Variants in CLCN5 observed in about 807,000 individuals in gnomAD.
CLCN5 encodes the protein Cl-/H+ antiporter 5, also known as H(+)/Cl(-) exchange transporter 5.
CLCN5 carries 17 observed loss-of-function variants against 54.0 expected under a neutral mutation model. That is an observed-to-expected ratio of 0.31 (90% CI 0.22 to 0.47). CLCN5 has a LOEUF of 0.47. Ranked by LOEUF, CLCN5 falls within the 20% of genes least tolerant of loss-of-function variation. CLCN5 has a pLI of 1.00. For synonymous variants in CLCN5, 222 were observed against 233.0 expected, an observed-to-expected ratio of 0.95 and a Z score of 0.43; for missense variants, 448 against 646.7, an observed-to-expected ratio of 0.69 and a Z score of 3.33.
chrX:49,944,202 G>C (rs1490441221), intron 3 of CLCN5, among the ~76,000 whole-genome samples: 2 of 111,603 alleles, frequency 1.8e-5, no homozygotes, highest in African/African-American at 6.5e-5. Flanking sequence ...TTGGCTCTCT[G>C]TTGGTCTGTT....
intron 3 of CLCN5, among the ~76,000 whole-genome samples, chrX:49,938,559 A>AT (rs1459466484): frequency 1.8e-5 from 2 of 111,930 alleles, no homozygotes; most frequent in Admixed American, 9.5e-5. Context: ...TAGTTAATAA[A>AT]TGGTGCTGGG....
intron 3 of CLCN5, among the ~76,000 whole-genome samples, chrX:50,040,565 A>G (rs1402455555): frequency 8.9e-6 from 1 of 112,137 alleles, no homozygotes; most frequent in Non-Finnish European, 1.9e-5. Flanking sequence ...TTGACATATA[A>G]TTGTACATAT....
intron 3 of CLCN5, among the ~76,000 whole-genome samples, chrX:49,996,237 G>A (rs1929516820): frequency 8.9e-6 from 1 of 112,083 alleles, no homozygotes; most frequent in South Asian, 3.8e-4. Flanking sequence ...CACATAGGAT[G>A]AATTACCAGT....
rs1487561257 is a variant in CLCN5, at chrX:50,063,115, A to G, written c.164-6764A>G. Among the ~76,000 whole-genome samples, 786 of 104,487 alleles carry G rather than the reference A, an allele frequency of 7.5e-3. 10 individuals carry two copies. Among genetic ancestry groups the G allele is most frequent in the African/African-American group, 0.027 (739 of 27,523 alleles). The allele number at this position is 104,487 out of a possible 115,157, so 90.7% of individuals were successfully genotyped here. On this transcript the variant is annotated intron_variant, in intron 4 of 14. Coordinates refer to ENST00000376091, the MANE Select transcript of CLCN5 (RefSeq NM_001127898.4). ...TTAAAAGAACTAGAAAAGCAAGAGC[A>G]AACACATTCAAAAGCTAGCAGAAGG...
intron 3 of CLCN5, among the ~76,000 whole-genome samples, chrX:49,966,399 A>G (rs1557175444): frequency 9.2e-6 from 1 of 109,064 alleles, no homozygotes; most frequent in African/African-American, 3.3e-5. Flanking sequence ...GAATCTGTAG[A>G]GATGTCCCCT....
chrX:49,978,983 T>C (rs1295599810), intron 3 of CLCN5, among the ~76,000 whole-genome samples: 1 of 111,199 alleles, frequency 9.0e-6, no homozygotes. Flanking sequence ...GTGGGGACAG[T>C]TGAAGCACAA....
intron 12 of CLCN5, among the ~76,000 whole-genome samples, chrX:50,089,100 C>CTT (rs1328771662): frequency 1.1e-5 from 1 of 92,510 alleles, no homozygotes; most frequent in African/African-American, 8.0e-5. Flanking sequence ...AGGAATTCTA[C>CTT]TCTCATACTG....
chrX:49,976,352 C>T (rs1360311418), intron 3 of CLCN5, among the ~76,000 whole-genome samples: 1 of 112,148 alleles, frequency 8.9e-6, no homozygotes, highest in Non-Finnish European at 1.9e-5. Flanking sequence ...CTGAGAGGAG[C>T]CAGCACAGAA....
At chrX:49,971,325 A>G (rs943951813) in intron 3 of CLCN5, among the ~76,000 whole-genome samples, 8 of 104,713 alleles carry the variant, frequency 7.6e-5, no homozygotes, top group Non-Finnish European at 1.4e-4. Flanking sequence ...TATATTTAGA[A>G]ATAGTTTCAC....
intron 3 of CLCN5, among the ~76,000 whole-genome samples, chrX:50,036,376 T>C (rs1360336190): frequency 8.9e-6 from 1 of 112,412 alleles, no homozygotes; most frequent in Non-Finnish European, 1.9e-5. Flanking sequence ...AAGGACGCTT[T>C]ATAACCCAAA....
rs1269309924 is a variant in CLCN5 at position 50,084,751 on chromosome X, TTCA to T, written c.934-1222_934-1220del. Among the ~76,000 whole-genome samples, 4 of 112,169 alleles carry T rather than the reference TTCA, an allele frequency of 3.6e-5. No homozygotes were observed. In the Admixed American group the frequency reaches 3.8e-4, roughly 11 times the overall value. ...TTTCCAGTTATTTTTTCCTGTTGCT[TTCA>T]TCATCAGCGGCAACCTTTTTTGTCT... On this transcript the variant is annotated intron_variant, in intron 9 of 14. Coordinates refer to ENST00000376091, the MANE Select transcript of CLCN5 (RefSeq NM_001127898.4).
chrX:50,060,453 T>C (rs1932835622), intron 4 of CLCN5, among the ~76,000 whole-genome samples: 1 of 107,988 alleles, frequency 9.3e-6, no homozygotes, highest in South Asian at 4.3e-4. Context: ...TCAGACCGGC[T>C]TAAAAAACGG....
intron 3 of CLCN5, chrX:50,003,331 A>G (rs1426855297): frequency 3.0e-6 from 1 of 334,114 alleles, no homozygotes; most frequent in Non-Finnish European, 6.0e-6. Context: ...TGTGGGGTAC[A>G]CTGTTAGCAG....
chrX:50,026,414 G>T (rs113038216), intron 3 of CLCN5, among the ~76,000 whole-genome samples: 1 of 111,244 alleles, frequency 9.0e-6, no homozygotes, highest in Non-Finnish European at 1.9e-5. Flanking sequence ...CGGTTTACCT[G>T]TGTCTTTACT....
At chrX:49,922,959 C>T (rs1249918877) in intron 1 of CLCN5, among the ~76,000 whole-genome samples, 167 bp downstream of exon 1, 2 of 112,868 alleles carry the variant, frequency 1.8e-5, no homozygotes, top group Non-Finnish European at 3.8e-5. Flanking sequence ...GGCAGCCCGG[C>T]GCTTAGAGGA....
At chrX:49,946,329 G>C (rs1557172102) in intron 3 of CLCN5, among the ~76,000 whole-genome samples, 2 of 111,439 alleles carry the variant, frequency 1.8e-5, no homozygotes, top group African/African-American at 6.5e-5. Context: ...TTGGTCCTCT[G>C]CTCAGGGTCT....
At chrX:49,952,499 G>GTTT (rs11324611) in intron 3 of CLCN5, among the ~76,000 whole-genome samples, 1 of 105,864 alleles carries the variant, frequency 9.4e-6, no homozygotes, top group Admixed American at 1.0e-4. Flanking sequence ...TTCCAGGTGG[G>GTTT]TTTTTTTTTT....
chrX:50,011,195 G>A (rs1930481894), intron 3 of CLCN5, among the ~76,000 whole-genome samples: 1 of 110,991 alleles, frequency 9.0e-6, no homozygotes, highest in Non-Finnish European at 1.9e-5. Flanking sequence ...GAATTCCAAG[G>A]GAAGAAGCCT....
chrX:49,988,922 G>A (rs1306594220), intron 3 of CLCN5, among the ~76,000 whole-genome samples: 11 of 110,402 alleles, frequency 1.0e-4, no homozygotes, highest in Admixed American at 8.7e-4. Flanking sequence ...GACTCTCCCT[G>A]TCCTAGCTTG....
Sources: gnomAD v4.1 joint callset for allele counts (sites outside exome capture counted in the v4.1 genomes callset) on GRCh38, gnomAD v4.1.1 for gene constraint, MANE v1.5 for transcripts, NCBI Gene and HGNC (gene_info 2026-07-23, HGNC 2026-07-21) for gene names.